The following C10orf67 variants were observed in gnomAD, a reference collection of about 807,000 sequenced individuals.
C10orf67 encodes the protein chromosome 10 open reading frame 67.
Under a neutral mutation model 35.6 loss-of-function variants are expected in C10orf67, and 60 were observed. The observed-to-expected ratio is 1.68, with a 90% CI of 1.37 to 2.09. The LOEUF is 2.09. C10orf67 is among the 30% of genes most tolerant of loss of function. The pLI is 0.00. For synonymous variants in C10orf67, 167 were observed against 115.8 expected (o/e 1.44, Z -2.84); for missense variants, 474 against 330.2 (o/e 1.44, Z -3.38).
chr10:23,302,286 T>A (rs1844105914), intron 5 of C10orf67, among the ~76,000 whole-genome samples: 1 of 152,042 alleles, frequency 6.6e-6, no homozygotes, highest in Non-Finnish European at 1.5e-5. Context: ...GTATATTATA[T>A]ATTCACTACA....
At position 23,255,343 on chromosome 10, in the gene C10orf67, T is replaced by C. The variant is rs7904665; in HGVS notation, c.1201-4652A>G. ...CTTTCAAAAACAGGACAAGACTTTC[T>C]TCATTTGATGTCCCCAAAGGTGCCA... is the stretch of plus-strand genomic sequence containing the variant. On this transcript the variant is annotated intron_variant, in intron 10 of 15. Coordinates refer to ENST00000636213, the MANE Select transcript of C10orf67 (RefSeq NM_001371909.1). 0.6 allele frequency among the ~76,000 whole-genome samples: 90,693 copies of C among 152,194 alleles called. 28,036 individuals carry two copies. The highest frequency in any genetic ancestry group is 0.88 in the East Asian group (4,559 of 5,190).
Position 23,250,684 on chromosome 10 carries a change from T to A in C10orf67, c.1208A>T (p.Asp403Val), listed in dbSNP as rs1214793809. The A allele has an allele frequency of 7.5e-6, 3 of 398,530 alleles. No homozygotes were observed. The highest frequency in any genetic ancestry group is 1.3e-5 in the Non-Finnish European group (3 of 225,860). The allele number at this position is 398,530 out of a possible 1,614,324, so 24.7% of individuals were successfully genotyped here. A position where few individuals can be genotyped will look rare whatever the true frequency, so the allele number is the denominator to read the frequency against. The change falls in exon 11 of 16, where the codon GAC becomes GTC. Residue 403 changes from aspartate (D) to valine (V), a missense_variant. Physicochemically the swap from Asp to Val is radical, Grantham distance 152. Coordinates refer to ENST00000636213, the MANE Select transcript of C10orf67 (RefSeq NM_001371909.1). ...TATTTGAGACTCCAAACCATGTTTGTCTTCAACCTTTCAATAGAAAATATA... is the reference window on the plus strand; with the variant it reads ...TATTTGAGACTCCAAACCATGTTTGACTTCAACCTTTCAATAGAAAATATA... ...ALKEDQAVVE[D>V]KHGLESQIEA...
rs1314486601 is a variant in C10orf67 at position 23,323,930 on chromosome 10, TATATATATATATATATATATATAC to T, written c.328-1417_328-1394del. Among the ~76,000 whole-genome samples the T allele has an allele frequency of 7.2e-4, 29 of 40,194 alleles. 3 individuals carry two copies. In the East Asian group the frequency reaches 0.076, roughly 105 times the overall value. 26.4% of individuals were successfully genotyped at this position (40,194 alleles called of 152,430 possible). A position where few individuals can be genotyped will look rare whatever the true frequency, so the allele number is the denominator to read the frequency against. On this transcript the variant is annotated intron_variant, in intron 2 of 15. Transcript: ENST00000636213. ...ATATATATATATATATATATATATATATATATATATATATATATATATACACACACACACACATATGAGTTAAAA... is the reference window on the plus strand; with the variant it reads ...ATATATATATATATATATATATATATACACACACACACATATGAGTTAAAA...
chr10:23,295,775 G>C (rs552216741), intron 5 of C10orf67, among the ~76,000 whole-genome samples: 2 of 152,246 alleles, frequency 1.3e-5, no homozygotes, highest in Admixed American at 1.3e-4. Flanking sequence ...CCAAGAAAAG[G>C]TTTTTCAAAG....
intron 15 of C10orf67, among the ~76,000 whole-genome samples, chr10:23,210,320 T>C (rs1183833988): frequency 6.6e-6 from 1 of 151,976 alleles, no homozygotes; most frequent in African/African-American, 2.4e-5. Flanking sequence ...TGGAAGAGAG[T>C]ACTGGACATG....
chr10:23,210,946 T>C (rs1369895480), intron 15 of C10orf67, among the ~76,000 whole-genome samples: 1 of 152,214 alleles, frequency 6.6e-6, no homozygotes, highest in Non-Finnish European at 1.5e-5. Flanking sequence ...ACTGAAAACA[T>C]ACTGCCACTG....
At chr10:23,209,664 T>C (rs1309608894) in intron 15 of C10orf67, among the ~76,000 whole-genome samples, 1 of 152,122 alleles carries the variant, frequency 6.6e-6, no homozygotes, top group Non-Finnish European at 1.5e-5. Flanking sequence ...TAAGTATATA[T>C]AATTTTTATT....
intron 13 of C10orf67, among the ~76,000 whole-genome samples, chr10:23,237,612 G>GGATA (rs1842082160): frequency 9.2e-5 from 14 of 152,162 alleles, no homozygotes; most frequent in Admixed American, 8.5e-4. Context: ...AGGAACAACT[G>GGATA]CCATGGATAC....
At chr10:23,219,008 G>C (rs2132098975) in intron 15 of C10orf67, among the ~76,000 whole-genome samples, 1 of 152,182 alleles carries the variant, frequency 6.6e-6, no homozygotes, top group African/African-American at 2.4e-5. Context: ...TAAAACAACA[G>C]GGGCAACTGA....
intron 15 of C10orf67, among the ~76,000 whole-genome samples, chr10:23,205,513 T>A (rs1170465865): frequency 6.6e-6 from 1 of 152,188 alleles, no homozygotes; most frequent in Non-Finnish European, 1.5e-5. Context: ...GTTCCATAAT[T>A]TAGAAAAGTA....
At chr10:23,247,294 C>A (rs1050966332) in intron 12 of C10orf67, among the ~76,000 whole-genome samples, 9 of 152,134 alleles carry the variant, frequency 5.9e-5, no homozygotes, top group African/African-American at 2.2e-4. Flanking sequence ...TACAGGTGGA[C>A]CATTCTTTAT....
chr10:23,215,159 C>T (rs917528543), intron 15 of C10orf67, among the ~76,000 whole-genome samples: 13 of 152,100 alleles, frequency 8.5e-5, no homozygotes, highest in Admixed American at 7.9e-4. Flanking sequence ...AAAAATGTTG[C>T]TGCAATTGAC....
In C10orf67 at chr10:23,339,862, A is replaced by G. The variant is rs558123274; in HGVS notation, c.206+4707T>C. ...GCCTCCTGTCTGGACCCTGAGTGCT[A>G]CATCAATATAGTAAATATAAACAGC... On this transcript the variant is annotated intron_variant, in intron 1 of 15. Coordinates refer to ENST00000636213, the MANE Select transcript of C10orf67 (RefSeq NM_001371909.1). Among the ~76,000 whole-genome samples, 5 of 152,320 alleles carry G rather than the reference A, an allele frequency of 3.3e-5. No homozygotes were observed. The South Asian group carries it at 1.0e-3, about 32-fold the overall frequency.
intron 8 of C10orf67, among the ~76,000 whole-genome samples, chr10:23,278,094 C>T (rs547673121): frequency 7.9e-5 from 12 of 152,252 alleles, no homozygotes; most frequent in East Asian, 1.9e-4. Context: ...GAAATCTGCC[C>T]GCATGATACA....
intron 15 of C10orf67, among the ~76,000 whole-genome samples, chr10:23,216,390 A>G (rs576224513): frequency 6.6e-5 from 10 of 152,266 alleles, no homozygotes; most frequent in African/African-American, 2.4e-4. Flanking sequence ...AACAATACAA[A>G]CTCATAACCT....
chr10:23,331,019 AAGGGGAGGGGAGGGAAACCGGGAAAAG>A (rs1845425796), intron 2 of C10orf67, among the ~76,000 whole-genome samples: 1 of 101,422 alleles, frequency 9.9e-6, no homozygotes, highest in Admixed American at 1.1e-4. Context: ...ACCAGGAAGA[AAGGGGAGGGGAGGGAAACCGGGAAAAG>A]AGGGGAGGGG....
chr10:23,312,684 G>T (rs139006042), intron 4 of C10orf67, among the ~76,000 whole-genome samples: 108 of 152,258 alleles, frequency 7.1e-4, no homozygotes, highest in African/African-American at 2.3e-3. Flanking sequence ...ATATGTATCT[G>T]TGATGATTAA....
At chr10:23,344,510 C>G in intron 1 of C10orf67, 59 bp downstream of exon 1, 1 of 1,483,234 alleles carries the variant, frequency 6.7e-7, no homozygotes. Context: ...TTCAGCCTCC[C>G]GCCGTGCCCC....
intron 5 of C10orf67, among the ~76,000 whole-genome samples, chr10:23,294,279 G>A (rs1843812764): frequency 6.6e-6 from 1 of 152,052 alleles, no homozygotes; most frequent in East Asian, 1.9e-4. Flanking sequence ...GGTGGGTGAT[G>A]GTTGCAGGGC....
Sources: allele counts gnomAD v4.1 joint callset (sites outside exome capture counted in the v4.1 genomes callset), GRCh38; gene constraint gnomAD v4.1.1; transcripts MANE v1.5; gene names NCBI Gene and HGNC (gene_info 2026-07-23, HGNC 2026-07-21).